Variants in GALNTL6 observed in about 807,000 individuals in gnomAD.
GALNTL6 encodes polypeptide N-acetylgalactosaminyltransferase like 6, also known as polypeptide N-acetylgalactosaminyltransferase-like 6.
A neutral mutation model predicts 73.7 loss-of-function variants in GALNTL6; 46 were observed. The ratio of observed to expected loss-of-function variants is 0.62; its 90% CI spans 0.49 to 0.80. The LOEUF is 0.80. GALNTL6 is among the 30% of genes least tolerant of loss of function. GALNTL6 has a pLI of 0.00. For synonymous variants in GALNTL6, 259 were observed against 263.7 expected (o/e 0.98, Z 0.17); for missense variants, 604 against 755.0 (o/e 0.80, Z 2.34).
At chr4:171,940,082 T>C (rs1321745431) in intron 2 of GALNTL6, among the ~76,000 whole-genome samples, 3 of 152,110 alleles carry the variant, frequency 2.0e-5, no homozygotes, top group East Asian at 1.9e-4. Context: ...CTCTATAAAA[T>C]AGAGTTGATT....
chr4:172,040,825 T>C (rs1742068281), intron 2 of GALNTL6, among the ~76,000 whole-genome samples: 1 of 152,114 alleles, frequency 6.6e-6, no homozygotes, highest in Admixed American at 6.6e-5. Context: ...TATTTGTTAT[T>C]ATCTTAGAAT....
intron 5 of GALNTL6, among the ~76,000 whole-genome samples, chr4:172,649,263 A>G (rs944878461): frequency 6.6e-6 from 1 of 152,152 alleles, no homozygotes; most frequent in Non-Finnish European, 1.5e-5. Flanking sequence ...GAATGCTCAG[A>G]TGTCACCCAA....
chr4:172,914,046 A>G (rs1747361513), intron 8 of GALNTL6, among the ~76,000 whole-genome samples: 1 of 152,236 alleles, frequency 6.6e-6, no homozygotes, highest in African/African-American at 2.4e-5. Context: ...CTAATCTCTC[A>G]GCAGAAACTC....
intron 2 of GALNTL6, among the ~76,000 whole-genome samples, chr4:171,944,647 T>C (rs1052867799): frequency 6.6e-6 from 1 of 151,982 alleles, no homozygotes; most frequent in Non-Finnish European, 1.5e-5. Flanking sequence ...CTAATCCATC[T>C]TAGACAGGTA....
At chr4:171,853,453 T>G (rs921555513) in intron 2 of GALNTL6, among the ~76,000 whole-genome samples, 1 of 151,642 alleles carries the variant, frequency 6.6e-6, no homozygotes. Context: ...TCTTTTACTA[T>G]GTGTTCATTC....
chr4:172,978,192 A>G (rs941945733), intron 10 of GALNTL6, among the ~76,000 whole-genome samples: 5 of 152,160 alleles, frequency 3.3e-5, no homozygotes, highest in Admixed American at 2.0e-4. Flanking sequence ...ATTTCTCTCT[A>G]CAGGAGAAAT....
chr4:172,294,988 A>G (rs1445761939), intron 3 of GALNTL6, among the ~76,000 whole-genome samples: 3 of 152,218 alleles, frequency 2.0e-5, no homozygotes, highest in Non-Finnish European at 2.9e-5. Context: ...ATATAGATTT[A>G]TGTTATCTTT....
intron 10 of GALNTL6, among the ~76,000 whole-genome samples, chr4:172,966,943 A>G (rs1021475084): frequency 5.3e-5 from 8 of 152,276 alleles, no homozygotes; most frequent in Admixed American, 4.6e-4. Context: ...TAGCAACCTC[A>G]AGGTCATCGG....
intron 2 of GALNTL6, among the ~76,000 whole-genome samples, chr4:171,833,371 C>T (rs1438508124): frequency 6.6e-6 from 1 of 151,658 alleles, no homozygotes; most frequent in Non-Finnish European, 1.5e-5. Flanking sequence ...GTTAAGCACA[C>T]TTTATGTTTA....
intron 5 of GALNTL6, among the ~76,000 whole-genome samples, chr4:172,780,992 T>C (rs1311184824): frequency 1.3e-5 from 2 of 152,190 alleles, no homozygotes; most frequent in Non-Finnish European, 2.9e-5. Flanking sequence ...GAATTTGCCA[T>C]TTGTCAGTAG....
chr4:172,903,746 A>C (rs1164001764), intron 8 of GALNTL6, among the ~76,000 whole-genome samples: 2 of 152,298 alleles, frequency 1.3e-5, no homozygotes, highest in East Asian at 3.9e-4. Flanking sequence ...AAAGACACAT[A>C]AAAGCAATCT....
At chr4:172,714,992 CAA>C (rs34333805) in intron 5 of GALNTL6, among the ~76,000 whole-genome samples, 111 of 149,542 alleles carry the variant, frequency 7.4e-4, no homozygotes, top group East Asian at 2.2e-3. Flanking sequence ...ACATTTACTT[CAA>C]AAAAAAAAAG....
rs147840092 is a variant in GALNTL6, at chr4:172,422,494, C to T, written c.553+73805C>T. 2.3e-3 allele frequency among the ~76,000 whole-genome samples: 354 copies of T among 152,126 alleles called. 3 individuals carry two copies. Among genetic ancestry groups the T allele is most frequent in the African/African-American group, 8.3e-3 (344 of 41,540 alleles). ...TAGTTTCCTTTTCTGGTTCCTCCTACACTCTGCCACCTCTGATTGTTGAAG... is the reference window on the plus strand; with the variant it reads ...TAGTTTCCTTTTCTGGTTCCTCCTATACTCTGCCACCTCTGATTGTTGAAG... On this transcript the variant is annotated intron_variant, in intron 5 of 12. Coordinates refer to ENST00000506823, the MANE Select transcript of GALNTL6 (RefSeq NM_001034845.3).
intron 5 of GALNTL6, among the ~76,000 whole-genome samples, chr4:172,700,277 T>C (rs56930076): frequency 6.6e-6 from 1 of 152,048 alleles, no homozygotes; most frequent in Non-Finnish European, 1.5e-5. Flanking sequence ...ATGACAATTA[T>C]TGTTGAAGAA....
intron 2 of GALNTL6, among the ~76,000 whole-genome samples, chr4:172,090,256 G>T (rs1189258524): frequency 6.6e-6 from 1 of 152,132 alleles, no homozygotes; most frequent in Non-Finnish European, 1.5e-5. Context: ...TCTGGTTCTA[G>T]ATCCTTGAGG....
At chr4:171,829,825 T>C (rs1349709912) in intron 2 of GALNTL6, among the ~76,000 whole-genome samples, 2 of 152,098 alleles carry the variant, frequency 1.3e-5, no homozygotes, top group Non-Finnish European at 2.9e-5. Context: ...GCTCATGTAC[T>C]ACTCCCTGAA....
At chr4:172,757,254 T>A (rs1303707126) in intron 5 of GALNTL6, among the ~76,000 whole-genome samples, 1 of 152,192 alleles carries the variant, frequency 6.6e-6, no homozygotes, top group African/African-American at 2.4e-5. Flanking sequence ...TCTTGAGGTT[T>A]TGCAAGCATT....
At chr4:172,491,557 T>A (rs1733893938) in intron 5 of GALNTL6, among the ~76,000 whole-genome samples, 1 of 152,088 alleles carries the variant, frequency 6.6e-6, no homozygotes, top group South Asian at 2.1e-4. Flanking sequence ...AGGGAAGACC[T>A]CTGCCTACTC....
intron 7 of GALNTL6, among the ~76,000 whole-genome samples, chr4:172,858,182 T>C (rs1331786642): frequency 6.6e-6 from 1 of 152,156 alleles, no homozygotes; most frequent in African/African-American, 2.4e-5. Context: ...CCTCCGATAA[T>C]AGAAACAACA....
Sources: gnomAD v4.1 joint callset for allele counts (sites outside exome capture counted in the v4.1 genomes callset) on GRCh38, gnomAD v4.1.1 for gene constraint, MANE v1.5 for transcripts, NCBI Gene and HGNC (gene_info 2026-07-23, HGNC 2026-07-21) for gene names.